EVC2: variants seen among roughly 807,000 people sequenced by gnomAD.
The protein encoded by EVC2 is EvC ciliary complex subunit 2.
EVC2 carries 148 observed loss-of-function variants against 149.3 expected under a neutral mutation model. That is an observed-to-expected ratio of 0.99 (90% confidence interval 0.87 to 1.14). The LOEUF is 1.14. Among genes scored for constraint, EVC2 ranks in the 50% most tolerant of loss-of-function variants. The pLI, the probability that EVC2 is intolerant of heterozygous loss-of-function variation, is 0.00. For missense variants in EVC2, 1,854 were observed against 1,627.3 expected (o/e 1.14, Z -2.40); for synonymous variants, 776 against 649.9 (o/e 1.19, Z -2.95).
the EVC2 span, among the ~76,000 whole-genome samples, chr4:5,531,770 A>G: frequency 6.6e-6 from 1 of 152,008 alleles, no homozygotes; most frequent in African/African-American, 2.4e-5. Flanking sequence ...GAGATGTATA[A>G]TTATTTCATT....
At chr4:5,691,426 G>T in intron 3 of EVC2, 93 bp from the exon 4 acceptor site, 1 of 1,035,768 alleles carries the variant, frequency 9.7e-7, no homozygotes, top group Non-Finnish European at 1.5e-6. Flanking sequence ...TTTTACAGAG[G>T]GTAGAAAGAT....
chr4:5,571,323 A>AC (rs1294190698), intron 19 of EVC2, among the ~76,000 whole-genome samples: 30 of 150,588 alleles, frequency 2.0e-4, no homozygotes, highest in Non-Finnish European at 4.1e-4. Flanking sequence ...ATCTCAAAAA[A>AC]AAAAAAAAAA....
intron 16 of EVC2, among the ~76,000 whole-genome samples, chr4:5,597,071 T>G (rs1577136826): frequency 6.6e-6 from 1 of 152,140 alleles, no homozygotes; most frequent in Non-Finnish European, 1.5e-5. Flanking sequence ...GTGGCAATAA[T>G]CAATAGCTTA....
At position 5,622,802 on chromosome 4, in the gene EVC2, T is replaced by C; in HGVS notation, c.2236A>G (p.Lys746Glu). The change falls in exon 14 of 22, where the codon AAG (lysine) becomes GAG (glutamate). Residue 746 changes from lysine to glutamate, a missense_variant. Transcript: ENST00000344408. The surrounding 1 kb of genome is among the most constrained non-coding windows in gnomAD (Gnocchi z 5.8). ...AGGCGCCGCAGCTCGTCGGTGGCCT[T>C]TTCAAACAGCGAAAGGGTCAGGGTC... The part of the protein sequence containing the change: ...LRTLTLSLFE[K>E]ATDELRRLQN... 1 of 1,614,014 alleles carries C rather than the reference T, an allele frequency of 6.2e-7. No homozygotes were observed. Among genetic ancestry groups the C allele is most frequent in the Non-Finnish European group, 8.5e-7 (1 of 1,179,996 alleles).
At chr4:5,695,016 G>A (rs1721379072) in intron 2 of EVC2, among the ~76,000 whole-genome samples, 1 of 152,096 alleles carries the variant, frequency 6.6e-6, no homozygotes, top group Non-Finnish European at 1.5e-5. Flanking sequence ...GAGGATGTGT[G>A]CACGGCCAGA....
intron 11 of EVC2, among the ~76,000 whole-genome samples, chr4:5,629,975 T>C (rs770673125): frequency 3.5e-4 from 54 of 152,248 alleles, no homozygotes; most frequent in African/African-American, 1.2e-3. Context: ...ATAGCATGCA[T>C]TCTTTTTAAC....
chr4:5,688,058 G>A (rs1720842845), intron 5 of EVC2, among the ~76,000 whole-genome samples: 1 of 152,148 alleles, frequency 6.6e-6, no homozygotes, highest in African/African-American at 2.4e-5. Context: ...AAGAATAGCG[G>A]ATTCATCTTT....
At chr4:5,709,403 A>T (rs1304882084), upstream of EVC2, 1 of 152,236 alleles carries the variant, frequency 6.6e-6, no homozygotes, top group African/African-American at 2.4e-5. Flanking sequence ...CCTGCGGGGC[A>T]GGCTGTTAGG....
At chr4:5,581,043 G>T (rs1279538002) in intron 17 of EVC2, among the ~76,000 whole-genome samples, 1 of 152,136 alleles carries the variant, frequency 6.6e-6, no homozygotes, top group East Asian at 1.9e-4. Context: ...TGCCATAATT[G>T]TAAGTTTCCT....
chr4:5,628,158 G>A (rs1716253746), intron 12 of EVC2, among the ~76,000 whole-genome samples: 1 of 152,140 alleles, frequency 6.6e-6, no homozygotes, highest in Admixed American at 6.5e-5. Context: ...AGTGAGGAAG[G>A]TTTGTGTCAG....
At position 5,682,177 on chromosome 4, in the gene EVC2, T is replaced by TAGC. The variant is rs547091641; in HGVS notation, c.817-867_817-865dup. On this transcript the variant is annotated intron_variant, in intron 6 of 21. Coordinates refer to ENST00000344408, the MANE Select transcript of EVC2 (RefSeq NM_147127.5). The stretch of plus-strand genomic sequence containing the variant: ...TGGCTGTAGGTAGTAGTAGTAACAT[T>TAGC]AGCAGCAGCAGCAGCAGTAGTAGCA... 7.4e-4 allele frequency among the ~76,000 whole-genome samples: 112 copies of TAGC among 150,552 alleles called. 1 individual carries two copies. The East Asian group carries it at 0.02, about 27-fold the overall frequency.
intron 9 of EVC2, among the ~76,000 whole-genome samples, chr4:5,650,508 T>G (rs1718025608): frequency 6.6e-6 from 1 of 151,306 alleles, no homozygotes; most frequent in South Asian, 2.1e-4. Context: ...CTAGTTTCCC[T>G]GTTGGCTATG....
chr4:5,577,893 A>G (rs912186177), intron 17 of EVC2, among the ~76,000 whole-genome samples: 1 of 152,214 alleles, frequency 6.6e-6, no homozygotes, highest in Admixed American at 6.5e-5. Flanking sequence ...CAGGAGCTGG[A>G]GACAGAGACC....
chr4:5,656,768 A>G, intron 9 of EVC2, among the ~76,000 whole-genome samples: 1 of 152,022 alleles, frequency 6.6e-6, no homozygotes, highest in Non-Finnish European at 1.5e-5. Context: ...GTGATTTGGG[A>G]CTCTGGCCTC....
chr4:5,588,765 T>C (rs1051618339), intron 16 of EVC2, among the ~76,000 whole-genome samples: 2 of 152,216 alleles, frequency 1.3e-5, no homozygotes, highest in Non-Finnish European at 1.5e-5. Context: ...TTTTACATCT[T>C]CCATATCTAT....
Position 5,613,754 on chromosome 4 carries a change from G to C in EVC2, c.2829+1668C>G, listed in dbSNP as rs1246189434. 1.3e-5 allele frequency among the ~76,000 whole-genome samples: 2 copies of C among 152,078 alleles called. No homozygotes were observed. Among genetic ancestry groups the C allele is most frequent in the African/African-American group, 2.4e-5 (1 of 41,384 alleles). On this transcript the variant is annotated intron_variant, in intron 16 of 21. Transcript: ENST00000344408. The surrounding 1 kb of genome is among the most constrained non-coding windows in gnomAD (Gnocchi z 4.6). ...TCTCTTGAATTAGCCTTTAACAATA[G>C]GTAAGATGACATTTTGCCTCTATCT...
At chr4:5,695,471 G>A (rs924348602) in intron 2 of EVC2, among the ~76,000 whole-genome samples, 2 of 152,140 alleles carry the variant, frequency 1.3e-5, no homozygotes, top group South Asian at 2.1e-4. Flanking sequence ...TAAAAGGTCC[G>A]GGCTGGGCTG....
At chr4:5,552,492 T>C (rs1577088801) in intron 21 of EVC2, among the ~76,000 whole-genome samples, 1 of 152,210 alleles carries the variant, frequency 6.6e-6, no homozygotes. Flanking sequence ...GTATCTGGGA[T>C]TGACTTCAAA....
At chr4:5,543,517 C>T (rs570777183) in intron 21 of EVC2, among the ~76,000 whole-genome samples, 16 of 152,202 alleles carry the variant, frequency 1.1e-4, no homozygotes, top group African/African-American at 3.9e-4. Flanking sequence ...GAGTATACCA[C>T]AAATAACAAA....
Sources: gnomAD v4.1 joint callset for allele counts (sites outside exome capture counted in the v4.1 genomes callset) on GRCh38, gnomAD v4.1.1 for gene constraint, Gnocchi (gnomAD v3.1) non-coding constraint, MANE v1.5 for transcripts, NCBI Gene and HGNC (gene_info 2026-07-23, HGNC 2026-07-21) for gene names.